The following RTTN variants were observed in gnomAD, a reference collection of about 807,000 sequenced individuals.
The protein encoded by RTTN is rotatin.
RTTN carries 182 observed loss-of-function variants against 269.2 expected under a neutral mutation model. The ratio of observed to expected loss-of-function variants is 0.68; its 90% CI spans 0.60 to 0.76. The LOEUF is 0.76. RTTN is among the 30% of genes least tolerant of loss of function. RTTN has a pLI of 0.00. For synonymous variants in RTTN, 1,006 were observed against 963.5 expected, an observed-to-expected ratio of 1.04 and a Z score of -0.82; for missense variants, 2,545 against 2,608.6, an observed-to-expected ratio of 0.98 and a Z score of 0.53.
intron 33 of RTTN, among the ~76,000 whole-genome samples, chr18:70,074,452 G>A (rs1363525912): frequency 2.0e-5 from 3 of 152,234 alleles, no homozygotes; most frequent in Non-Finnish European, 1.5e-5. Context: ...AAACAGAAAA[G>A]TGAATCACAC....
At chr18:70,036,265 T>A (rs1245243811) in intron 40 of RTTN, among the ~76,000 whole-genome samples, 1 of 152,176 alleles carries the variant, frequency 6.6e-6, no homozygotes, top group African/African-American at 2.4e-5. Flanking sequence ...TGCAGCACTA[T>A]CTGCAATGGT....
Position 70,004,086 on chromosome 18 carries a change from G to T in RTTN, c.*65C>A. The T allele has an allele frequency of 1.6e-6, 2 of 1,218,758 alleles. No homozygotes were observed. The highest frequency in any genetic ancestry group is 2.4e-5 in the South Asian group (2 of 82,346). 75.5% of individuals were successfully genotyped at this position (1,218,758 alleles called of 1,614,324 possible). On this transcript the variant is annotated 3_prime_UTR_variant, in exon 49 of 49. Transcript: ENST00000640769. Reference sequence around the variant, plus strand: ...CTTCAGGTAACAGCTGCTACACACAGCTGGCTTCAACTTTAGCTCCCCTGT... The same window carrying T: ...CTTCAGGTAACAGCTGCTACACACATCTGGCTTCAACTTTAGCTCCCCTGT...
intron 32 of RTTN, among the ~76,000 whole-genome samples, chr18:70,081,283 A>G (rs916925095): frequency 6.6e-6 from 1 of 152,034 alleles, no homozygotes; most frequent in Admixed American, 6.6e-5. Flanking sequence ...GAACTTACTC[A>G]TGTAATCAAA....
chr18:70,042,666 C>T (rs1277782496), intron 40 of RTTN, among the ~76,000 whole-genome samples: 2 of 152,236 alleles, frequency 1.3e-5, no homozygotes, highest in East Asian at 1.9e-4. Context: ...ATGAGCACCG[C>T]GCCCAGCCAA....
intron 46 of RTTN, chr18:70,008,603 T>A (rs2056270683): frequency 6.6e-6 from 1 of 151,172 alleles, no homozygotes; most frequent in Admixed American, 6.6e-5. Context: ...GAGAACTTCG[T>A]GAAGCATACA....
chr18:70,163,111 C>T (rs1167009920), intron 14 of RTTN, among the ~76,000 whole-genome samples: 2 of 127,038 alleles, frequency 1.6e-5, no homozygotes, highest in African/African-American at 3.0e-5. Context: ...AGGCCAGACA[C>T]GGTGGCTCAC....
chr18:70,149,759 T>C (rs1230331330), intron 16 of RTTN, among the ~76,000 whole-genome samples: 8 of 152,096 alleles, frequency 5.3e-5, no homozygotes, highest in Non-Finnish European at 8.8e-5. Flanking sequence ...CACCCAGATA[T>C]ATAAAATATA....
At position 70,160,438 on chromosome 18, in the gene RTTN, G is replaced by A. The variant is rs568686713; in HGVS notation, c.1929+5624C>T. Among the ~76,000 whole-genome samples the A allele has an allele frequency of 2.0e-5, 3 of 151,976 alleles. No individual in the cohort carries two copies. The East Asian group carries it at 5.8e-4, about 29-fold the overall frequency. ...AGGCATTGAAGCCTCAAAATAATGA[G>A]TTATCCATGACAAAGCCACAGCCAG... is the stretch of plus-strand genomic sequence containing the variant. On this transcript the variant is annotated intron_variant, in intron 14 of 48. Coordinates refer to ENST00000640769, the MANE Select transcript of RTTN (RefSeq NM_173630.4).
intron 25 of RTTN, among the ~76,000 whole-genome samples, chr18:70,126,130 C>T (rs915668862): frequency 8.6e-5 from 13 of 151,998 alleles, no homozygotes; most frequent in African/African-American, 3.1e-4. Context: ...ATGTGATGCT[C>T]ACATACAGTT....
intron 34 of RTTN, among the ~76,000 whole-genome samples, chr18:70,071,166 C>A (rs538967912): frequency 2.3e-4 from 35 of 152,198 alleles, no homozygotes; most frequent in Middle Eastern, 3.4e-3. Context: ...TGGAGTGGGA[C>A]CTCACTCCAT....
chr18:70,057,653 C>A, intron 37 of RTTN, 89 bp downstream of exon 37: 1 of 906,840 alleles, frequency 1.1e-6, no homozygotes, highest in African/African-American at 1.7e-5. Context: ...AGGTTTTCAT[C>A]CTTTTCCTAT....
At chr18:70,167,081 A>C in intron 12 of RTTN, 50 bp from the exon 13 acceptor site, 1 of 1,226,204 alleles carries the variant, frequency 8.2e-7, no homozygotes, top group Non-Finnish European at 1.2e-6. Flanking sequence ...ATGTGCAATG[A>C]TATTCTCAAC....
At chr18:70,055,644 T>C (rs1291674999) in intron 37 of RTTN, among the ~76,000 whole-genome samples, 1 of 152,216 alleles carries the variant, frequency 6.6e-6, no homozygotes, top group Non-Finnish European at 1.5e-5. Context: ...ATAGCAAGTC[T>C]GACCTCTGGA....
intron 38 of RTTN, among the ~76,000 whole-genome samples, chr18:70,052,998 T>C (rs56155059): frequency 0.022 from 3,316 of 152,226 alleles, 128 homozygotes; most frequent in African/African-American, 0.075. Context: ...AGAGGATCAA[T>C]AAAAAGCATT....
chr18:70,042,361 A>ATTT (rs2057366039), intron 40 of RTTN, among the ~76,000 whole-genome samples: 5 of 112,520 alleles, frequency 4.4e-5, no homozygotes, highest in African/African-American at 1.4e-4. Flanking sequence ...GGGCTTTGGA[A>ATTT]TTTTCTTTTT....
chr18:70,181,868 G>A (rs2061429105), intron 10 of RTTN, among the ~76,000 whole-genome samples: 1 of 152,112 alleles, frequency 6.6e-6, no homozygotes, highest in Admixed American at 6.5e-5. Context: ...TTTAGCATTT[G>A]TAACATACCA....
rs1172174028 is a variant in RTTN at position 70,041,272 on chromosome 18, T to G, written c.5541+6699A>C. 3.3e-5 allele frequency among the ~76,000 whole-genome samples: 5 copies of G among 151,398 alleles called. No individual in the cohort carries two copies. The East Asian group carries it at 9.7e-4, about 29-fold the overall frequency. On this transcript the variant is annotated intron_variant, in intron 40 of 48. Transcript: ENST00000640769. ...AAAATAAAAAATTGCTCACTAGCAATTGGGAGCAGGGTTGGGTCGGAGTTA... is the reference window on the plus strand; with the variant it reads ...AAAATAAAAAATTGCTCACTAGCAAGTGGGAGCAGGGTTGGGTCGGAGTTA...
chr18:70,090,928 T>C (rs2058828151), intron 30 of RTTN, among the ~76,000 whole-genome samples: 1 of 152,218 alleles, frequency 6.6e-6, no homozygotes. Flanking sequence ...TAATGAAATT[T>C]GCTTTGCTAG....
intron 28 of RTTN, among the ~76,000 whole-genome samples, chr18:70,097,737 A>G (rs2059039837): frequency 6.6e-6 from 1 of 152,228 alleles, no homozygotes; most frequent in African/African-American, 2.4e-5. Context: ...ACAACTGAAC[A>G]CAGAATGGAC....
Sources: gnomAD v4.1 joint callset for allele counts (sites outside exome capture counted in the v4.1 genomes callset) on GRCh38, gnomAD v4.1.1 for gene constraint, MANE v1.5 for transcripts, NCBI Gene and HGNC (gene_info 2026-07-23, HGNC 2026-07-21) for gene names.